The following ERO1B variants were observed in gnomAD, a reference collection of about 807,000 sequenced individuals.
The protein encoded by ERO1B is ERO1-like protein beta.
A neutral mutation model predicts 75.3 loss-of-function variants in ERO1B; 49 were observed. The observed-to-expected ratio is 0.65, with a 90% CI of 0.52 to 0.83. ERO1B has a LOEUF of 0.83. Ranked by LOEUF, ERO1B falls within the 40% of genes least tolerant of loss-of-function variation. ERO1B has a pLI of 0.00. For synonymous variants in ERO1B, 191 were observed against 192.9 expected, an observed-to-expected ratio of 0.99 and a Z score of 0.08; for missense variants, 512 against 560.1, an observed-to-expected ratio of 0.91 and a Z score of 0.87.
In ERO1B at chr1:236,253,432, G is replaced by C. The variant is rs138225689; in HGVS notation, c.296C>G (p.Pro99Arg). The change falls in exon 3 of 16, where the codon CCC becomes CGC. Residue 99 changes from proline (P) to arginine (R), a missense_variant. By Grantham distance (103) the Pro-to-Arg change is moderately radical. Transcript: ENST00000354619. ...TTTTATTTATTATACCTCTGGACAG[G>C]GCTCCACATGACAGTCTTTTATTGA... Reference protein sequence around the residue: ...HCSIKDCHVEPCPESKIPVGI... With the variant: ...HCSIKDCHVERCPESKIPVGI... 62 of 1,605,116 alleles carry C rather than the reference G, an allele frequency of 3.9e-5. No homozygotes were observed. Among genetic ancestry groups the C allele is most frequent in the Non-Finnish European group, 5.0e-5 (59 of 1,173,406 alleles).
At chr1:236,267,945 A>C (rs1238233502) in intron 2 of ERO1B, 1 of 152,038 alleles carries the variant, frequency 6.6e-6, no homozygotes, top group Non-Finnish European at 1.5e-5. Flanking sequence ...TACTTCAGGA[A>C]CGGTGCACCC....
At chr1:236,250,787 G>A (rs1362948526) in intron 4 of ERO1B, among the ~76,000 whole-genome samples, 1 of 151,254 alleles carries the variant, frequency 6.6e-6, no homozygotes, top group Non-Finnish European at 1.5e-5. Flanking sequence ...CTTTGAACCT[G>A]CAGTCCCACT....
At chr1:236,271,060 G>C (rs1302594539) in intron 1 of ERO1B, among the ~76,000 whole-genome samples, 1 of 152,142 alleles carries the variant, frequency 6.6e-6, no homozygotes, top group Non-Finnish European at 1.5e-5. Flanking sequence ...ATCTGAACAA[G>C]ATCAGTAGAT....
At chr1:236,254,462 C>G (rs868132926) in intron 2 of ERO1B, among the ~76,000 whole-genome samples, 2 of 152,206 alleles carry the variant, frequency 1.3e-5, no homozygotes, top group Non-Finnish European at 2.9e-5. Flanking sequence ...GGCTTCCCAT[C>G]ACCCTTAGAG....
chr1:236,246,367 C>G (rs1470204566), intron 5 of ERO1B, among the ~76,000 whole-genome samples: 1 of 151,658 alleles, frequency 6.6e-6, no homozygotes, highest in Non-Finnish European at 1.5e-5. Context: ...GAGACAGGAT[C>G]TCACTTGTTG....
chr1:236,268,701 ATG>A (rs1481961799), intron 2 of ERO1B, among the ~76,000 whole-genome samples: 93 of 151,862 alleles, frequency 6.1e-4, no homozygotes, highest in Non-Finnish European at 1.2e-3. Context: ...CCTGGCTAAC[ATG>A]GTGAAACCCC....
intron 2 of ERO1B, among the ~76,000 whole-genome samples, chr1:236,266,853 A>G (rs912466152): frequency 2.0e-5 from 3 of 152,184 alleles, no homozygotes; most frequent in South Asian, 2.1e-4. Context: ...GTGAGAGGGT[A>G]TGAGCATGTT....
Position 236,220,813 on chromosome 1 carries a change from A to C in ERO1B, c.1343+19T>G. 6.5e-7 allele frequency: 1 copy of C among 1,534,534 alleles called. No individual in the cohort carries two copies. The highest frequency in any genetic ancestry group is 8.7e-7 in the Non-Finnish European group (1 of 1,146,862). On this transcript the variant is annotated intron_variant, in intron 15 of 15. Transcript: ENST00000354619. ...ACCCAATGGGAAATCAAAAATCTTCAACATATAATGGTTCTTACCTTCCAA... is the reference window on the plus strand; with the variant it reads ...ACCCAATGGGAAATCAAAAATCTTCCACATATAATGGTTCTTACCTTCCAA...
intron 2 of ERO1B, among the ~76,000 whole-genome samples, chr1:236,261,573 T>C (rs1665295655): frequency 1.3e-5 from 2 of 152,172 alleles, no homozygotes. Flanking sequence ...GAAATAGTTG[T>C]AACTTTAACC....
chr1:236,223,867 C>A (rs924163300), intron 13 of ERO1B, among the ~76,000 whole-genome samples: 1 of 152,100 alleles, frequency 6.6e-6, no homozygotes, highest in African/African-American at 2.4e-5. Flanking sequence ...AATAAAACAA[C>A]CTTCCAACAC....
At position 236,259,454 on chromosome 1, in the gene ERO1B, C is replaced by T. The variant is rs745609312; in HGVS notation, c.223-5949G>A. On this transcript the variant is annotated intron_variant, in intron 2 of 15. Transcript: ENST00000354619. ...CAAAAGTGGATTGGATTAAAAGTGG[C>T]GAATGGATTAAAAAATAAGACCTAA... 3.9e-5 allele frequency among the ~76,000 whole-genome samples: 6 copies of T among 151,964 alleles called. No homozygotes were observed. In the South Asian group the frequency reaches 6.2e-4, roughly 16 times the overall value.
At chr1:236,268,724 A>G (rs1665521495) in intron 2 of ERO1B, among the ~76,000 whole-genome samples, 1 of 151,826 alleles carries the variant, frequency 6.6e-6, no homozygotes, top group Non-Finnish European at 1.5e-5. Flanking sequence ...GTCTCTACTA[A>G]AAATACAAAA....
intron 4 of ERO1B, among the ~76,000 whole-genome samples, chr1:236,251,829 G>T (rs2102956641): frequency 6.6e-6 from 1 of 152,270 alleles, no homozygotes; most frequent in Non-Finnish European, 1.5e-5. Flanking sequence ...TTTAATAGTT[G>T]TTCCAGAGAT....
intron 1 of ERO1B, among the ~76,000 whole-genome samples, chr1:236,270,314 G>C (rs1665562445): frequency 6.6e-6 from 1 of 152,106 alleles, no homozygotes; most frequent in Non-Finnish European, 1.5e-5. Flanking sequence ...TAACCTAGAA[G>C]TTACAGACTG....
intron 12 of ERO1B, 74 bp from the exon 13 acceptor site, chr1:236,225,213 T>C: frequency 7.3e-7 from 1 of 1,371,282 alleles, no homozygotes; most frequent in Non-Finnish European, 1.0e-6. Context: ...CCTGATAAAA[T>C]TTTCTATCCT....
chr1:236,261,286 G>A (rs978608242), intron 2 of ERO1B, among the ~76,000 whole-genome samples: 2 of 152,040 alleles, frequency 1.3e-5, no homozygotes, highest in African/African-American at 2.4e-5. Context: ...ATTCAACATA[G>A]TACTGGAAGT....
intron 2 of ERO1B, among the ~76,000 whole-genome samples, chr1:236,262,017 A>C (rs972077797): frequency 2.6e-5 from 4 of 152,234 alleles, no homozygotes; most frequent in Non-Finnish European, 5.9e-5. Flanking sequence ...ATGACTCTGA[A>C]TAGCCAAAGC....
rs1218642025 is a variant in ERO1B at position 236,239,911 on chromosome 1, A to ATTTT, written c.505+3507_505+3510dup. ...TGTGTGTATATATATATATATATAT[A>ATTTT]TTTTTTTTTTTTGCGATGAGGCTGA... On this transcript the variant is annotated intron_variant, in intron 6 of 15. Transcript: ENST00000354619. Among the ~76,000 whole-genome samples, 4 of 106,960 alleles carry ATTTT rather than the reference A, an allele frequency of 3.7e-5. 1 individual carries two copies. Among genetic ancestry groups the ATTTT allele is most frequent in the African/African-American group, 1.6e-4 (4 of 24,662 alleles). 70.2% of individuals were successfully genotyped at this position (106,960 alleles called of 152,430 possible).
At chr1:236,265,666 T>C (rs1269275460) in intron 2 of ERO1B, among the ~76,000 whole-genome samples, 1 of 152,234 alleles carries the variant, frequency 6.6e-6, no homozygotes, top group Non-Finnish European at 1.5e-5. Flanking sequence ...TAGTTTCTTA[T>C]CCTGCTTAAA....
Sources: gnomAD v4.1 joint callset for allele counts (sites outside exome capture counted in the v4.1 genomes callset) on GRCh38, gnomAD v4.1.1 for gene constraint, MANE v1.5 for transcripts, NCBI Gene and HGNC (gene_info 2026-07-23, HGNC 2026-07-21) for gene names.